Variants in LRP1 observed in about 807,000 individuals in gnomAD.
LRP1 encodes prolow-density lipoprotein receptor-related protein 1.
In LRP1, 51 loss-of-function variants were observed where a neutral mutation model predicts 541.5. The ratio of observed to expected loss-of-function variants is 0.09; its 90% CI spans 0.08 to 0.12. The LOEUF (loss-of-function observed/expected upper bound fraction) is 0.12, where lower values mean the gene tolerates loss of function less well. Ranked by LOEUF, LRP1 falls within the 10% of genes least tolerant of loss-of-function variation. The pLI, the probability that LRP1 is intolerant of heterozygous loss-of-function variation, is 1.00. For synonymous variants in LRP1, 2,219 were observed against 2,470.8 expected, an observed-to-expected ratio of 0.90 and a Z score of 3.02; for missense variants, 3,878 against 6,376.2, an observed-to-expected ratio of 0.61 and a Z score of 13.34.
chr12:57,134,280 T>C (rs928408159), intron 1 of LRP1, among the ~76,000 whole-genome samples: 2 of 152,144 alleles, frequency 1.3e-5, no homozygotes, highest in Non-Finnish European at 2.9e-5. Context: ...CTTCTTCTTC[T>C]CCTGCCTGTC....
At position 57,177,712 on chromosome 12, in the gene LRP1, A is replaced by T; in HGVS notation, c.4361+121A>T. On this transcript the variant is annotated intron_variant, in intron 26 of 88. Coordinates refer to ENST00000243077, the MANE Select transcript of LRP1 (RefSeq NM_002332.3). This position sits in a 1 kb window ranked among gnomAD's most constrained non-coding sequence, Gnocchi z 6.8. Reference sequence around the variant, plus strand: ...GGGATCTAGAACTAGGAACGGTGGCAAAGGACTGGGCACAGGAGGAGGAGG... The same window carrying T: ...GGGATCTAGAACTAGGAACGGTGGCTAAGGACTGGGCACAGGAGGAGGAGG... 8.2e-7 allele frequency: 1 copy of T among 1,222,314 alleles called. No homozygotes were observed. 75.7% of individuals were successfully genotyped at this position (1,222,314 alleles called of 1,614,324 possible). A position where few individuals can be genotyped will look rare whatever the true frequency, so the allele number is the denominator to read the frequency against.
Position 57,158,335 on chromosome 12 carries a change from G to T in LRP1, c.1562-67G>T. On this transcript the variant is annotated intron_variant, in intron 10 of 88. Transcript: ENST00000243077. This position sits in a 1 kb window ranked among gnomAD's most constrained non-coding sequence, Gnocchi z 5.3. ...GCTAGGGCATTGCAGCCCCTTGGCC[G>T]CAGCCCCTGGGTGGGGATGATGGTC... 1.5e-6 allele frequency: 2 copies of T among 1,332,070 alleles called. No homozygotes were observed. The highest frequency in any genetic ancestry group is 2.3e-5 in the East Asian group (1 of 43,256). 82.5% of individuals were successfully genotyped at this position (1,332,070 alleles called of 1,614,324 possible).
At chr12:57,139,411 G>A (rs928518082) in intron 2 of LRP1, among the ~76,000 whole-genome samples, 10 of 152,106 alleles carry the variant, frequency 6.6e-5, no homozygotes, top group African/African-American at 2.4e-4. Flanking sequence ...CTCTGCCCTG[G>A]AGGGTGGGGG....
At chr12:57,135,384 G>A (rs1254331839) in intron 1 of LRP1, among the ~76,000 whole-genome samples, 6 of 152,170 alleles carry the variant, frequency 3.9e-5, no homozygotes, top group Non-Finnish European at 8.8e-5. Flanking sequence ...GGGGAGTGGG[G>A]TTGGCTTTCC....
intron 41 of LRP1, among the ~76,000 whole-genome samples, chr12:57,186,892 C>T (rs1290710182): frequency 1.3e-5 from 2 of 152,194 alleles, no homozygotes; most frequent in Non-Finnish European, 2.9e-5. Context: ...ATAATCAATC[C>T]AGCTCAGGGT....
intron 76 of LRP1, among the ~76,000 whole-genome samples, chr12:57,207,199 C>T (rs1217056919): frequency 6.7e-6 from 1 of 148,992 alleles, no homozygotes; most frequent in Non-Finnish European, 1.5e-5. Flanking sequence ...GCCGAGATCG[C>T]GCCACTGCAC....
rs532741909 is a variant in LRP1 at position 57,154,522 on chromosome 12, C to T, written c.1048C>T (p.Arg350Cys). ...CTATGGGCAGATCCCAAAGGTGGAACGCTGTGACATGGATGGGCAGAACCG... is the reference window on the plus strand; with the variant it reads ...CTATGGGCAGATCCCAAAGGTGGAATGCTGTGACATGGATGGGCAGAACCG... ...TDYGQIPKVE[R>C]CDMDGQNRTK... The change falls in exon 8 of 89, where the codon CGC becomes TGC. Residue 350 changes from arginine to cysteine, a missense_variant. Arg to Cys is a radical substitution (Grantham distance 180, BLOSUM62 -3). Around this residue, in one of 13 missense-constraint regions of LRP1, gnomAD observed 496 missense variants for 861.0 expected, o/e 0.58. Coordinates refer to ENST00000243077, the MANE Select transcript of LRP1 (RefSeq NM_002332.3). The surrounding 1 kb of genome is among the most constrained non-coding windows in gnomAD (Gnocchi z 4.6). 7 of 1,614,066 alleles carry T rather than the reference C, an allele frequency of 4.3e-6. No individual in the cohort carries two copies. Among genetic ancestry groups the T allele is most frequent in the Admixed American group, 3.3e-5 (2 of 60,004 alleles).
Position 57,173,725 on chromosome 12 carries a change from G to A in LRP1, c.3347-55G>A, listed in dbSNP as rs1385005849. ...AAGCCCACAGGGTCTGGAAGGAAGG[G>A]CAGGGGGAGCCCCAGTCCCCGGGCC... On this transcript the variant is annotated intron_variant, in intron 21 of 88. Coordinates refer to ENST00000243077, the MANE Select transcript of LRP1 (RefSeq NM_002332.3). This position sits in a 1 kb window ranked among gnomAD's most constrained non-coding sequence, Gnocchi z 4.7. The A allele has an allele frequency of 7.0e-6, 11 of 1,576,024 alleles. No homozygotes were observed. In the East Asian group the frequency reaches 2.0e-4, roughly 29 times the overall value.
At chr12:57,182,398 C>T (rs371515831) in intron 34 of LRP1, among the ~76,000 whole-genome samples, 6 of 152,004 alleles carry the variant, frequency 3.9e-5, no homozygotes. Flanking sequence ...GTAATCCCAG[C>T]TACTCAGAAG....
At chr12:57,160,617 T>C (rs2035710640) in intron 12 of LRP1, among the ~76,000 whole-genome samples, 1 of 152,146 alleles carries the variant, frequency 6.6e-6, no homozygotes, top group Admixed American at 6.5e-5. Flanking sequence ...GTAACCTTGA[T>C]TGACCTGTTT....
At position 57,192,239 on chromosome 12, in the gene LRP1, C is replaced by T. The variant is rs117662648; in HGVS notation, c.7430-606C>T. Reference sequence around the variant, plus strand: ...ACACAGCTGTACACACCTTTGGAACCGCAAAACCCCCAGTGCTCCTGTACC... The same window carrying T: ...ACACAGCTGTACACACCTTTGGAACTGCAAAACCCCCAGTGCTCCTGTACC... On this transcript the variant is annotated intron_variant, in intron 44 of 88. Coordinates refer to ENST00000243077, the MANE Select transcript of LRP1 (RefSeq NM_002332.3). Among the ~76,000 whole-genome samples the T allele has an allele frequency of 4.7e-3, 715 of 152,126 alleles. 9 individuals carry two copies. In the East Asian group the frequency reaches 0.049, roughly 10 times the overall value.
chr12:57,202,333 C>T (rs1366575661), intron 67 of LRP1, 88 bp from the exon 68 acceptor site: 7 of 1,075,772 alleles, frequency 6.5e-6, no homozygotes, highest in African/African-American at 1.5e-5. Flanking sequence ...GCCCACCCTC[C>T]CTGCCAGGCC....
Position 57,179,217 on chromosome 12 carries a change from G to T in LRP1, c.4739-112G>T. The T allele has an allele frequency of 8.5e-7, 1 of 1,170,270 alleles. No homozygotes were observed. 72.5% of individuals were successfully genotyped at this position (1,170,270 alleles called of 1,614,324 possible). A position where few individuals can be genotyped will look rare whatever the true frequency, so the allele number is the denominator to read the frequency against. On this transcript the variant is annotated intron_variant, in intron 28 of 88. Coordinates refer to ENST00000243077, the MANE Select transcript of LRP1 (RefSeq NM_002332.3). This position sits in a 1 kb window ranked among gnomAD's most constrained non-coding sequence, Gnocchi z 6.8. The stretch of plus-strand genomic sequence containing the variant: ...GCACCCAGCGGGGTATGTCCACGGA[G>T]CCAAGGGCCAGTAGCAAACAGACGG...
chr12:57,149,265 C>T (rs2035479072), intron 6 of LRP1: 5 of 443,204 alleles, frequency 1.1e-5, no homozygotes, highest in African/African-American at 4.1e-5. Flanking sequence ...CTAGCCACCC[C>T]ACTCTTTGGC....
At position 57,183,689 on chromosome 12, in the gene LRP1, C is replaced by T; in HGVS notation, c.5795-86C>T. On this transcript the variant is annotated intron_variant, in intron 35 of 88. Transcript: ENST00000243077. This position sits in a 1 kb window ranked among gnomAD's most constrained non-coding sequence, Gnocchi z 6.1. ...ACCTGGCCCCTCCGGCACTCTCTCA[C>T]CTCTGTCTTGAGCCTTGTGAGATTT... The T allele has an allele frequency of 1.9e-6, 3 of 1,572,038 alleles. No individual in the cohort carries two copies. The highest frequency in any genetic ancestry group is 2.2e-5 in the East Asian group (1 of 44,596).
intron 42 of LRP1, 149 bp downstream of exon 42, chr12:57,187,605 C>A: frequency 1.3e-6 from 1 of 773,808 alleles, no homozygotes; most frequent in Non-Finnish European, 2.0e-6. Context: ...GGGAGAGGTG[C>A]AAAAGCTTCC....
At chr12:57,191,967 CCACACATGA>C (rs200569521) in intron 44 of LRP1, among the ~76,000 whole-genome samples, 108 of 143,124 alleles carry the variant, frequency 7.5e-4, no homozygotes, top group East Asian at 1.5e-3. Flanking sequence ...CATACACACA[CCACACATGA>C]CACATACACA....
Position 57,187,398 on chromosome 12 carries a change from G to A in LRP1, c.6973G>A (p.Val2325Ile), listed in dbSNP as rs765025195. The A allele has an allele frequency of 3.0e-5, 49 of 1,614,016 alleles. No homozygotes were observed. Among genetic ancestry groups the A allele is most frequent in the Middle Eastern group, 1.6e-4 (1 of 6,084 alleles). ...CCCAGGGGCCTTCGAGCGTGAGACC[G>A]TCATCACTATGTCTGGAGATGACCA... ...TRPGAFERET[V>I]ITMSGDDHPR... The change falls in exon 42 of 89, where the codon GTC becomes ATC. Residue 2325 changes from valine (V) to isoleucine (I), a missense_variant. Physicochemically the swap from Val to Ile is conservative, Grantham distance 29. Transcript: ENST00000243077.
At position 57,162,008 on chromosome 12, in the gene LRP1, TGTGTGTGTGCACGTATGTGTGC is replaced by T. The variant is rs974272961; in HGVS notation, c.2203-299_2203-278del. Among the ~76,000 whole-genome samples the T allele has an allele frequency of 1.3e-5, 2 of 152,080 alleles. No homozygotes were observed. The highest frequency in any genetic ancestry group is 2.9e-5 in the Non-Finnish European group (2 of 68,018). On this transcript the variant is annotated intron_variant, in intron 13 of 88. Coordinates refer to ENST00000243077, the MANE Select transcript of LRP1 (RefSeq NM_002332.3). The surrounding 1 kb of genome is among the most constrained non-coding windows in gnomAD (Gnocchi z 5.2). ...GCGCGCACGCATATGAGTGTGTGTG[TGTGTGTGTGCACGTATGTGTGC>T]GTGTGTGTGTTTGGGGACTATGAAT...
Sources: allele counts gnomAD v4.1 joint callset (sites outside exome capture counted in the v4.1 genomes callset), GRCh38; gene constraint gnomAD v4.1.1; regional missense constraint gnomAD v4.1.1; non-coding constraint Gnocchi (gnomAD v3.1); transcripts MANE v1.5; gene names NCBI Gene and HGNC (gene_info 2026-07-23, HGNC 2026-07-21).